JAK1: variants seen among roughly 807,000 people sequenced by gnomAD.
JAK1 encodes the protein Janus kinase 1.
A neutral mutation model predicts 136.6 loss-of-function variants in JAK1; 16 were observed. The ratio of observed to expected loss-of-function variants is 0.12; its 90% CI spans 0.08 to 0.18. JAK1 has a LOEUF of 0.18. JAK1 is among the 10% of genes least tolerant of loss of function. The pLI is 1.00. For synonymous variants in JAK1, 492 were observed against 519.5 expected, an observed-to-expected ratio of 0.95 and a Z score of 0.72; for missense variants, 859 against 1,450.1, an observed-to-expected ratio of 0.59 and a Z score of 6.62.
intron 1 of JAK1, among the ~76,000 whole-genome samples, chr1:64,911,846 C>A (rs1344155180): frequency 6.6e-6 from 1 of 152,162 alleles, no homozygotes; most frequent in Non-Finnish European, 1.5e-5. Context: ...TCACAATTTT[C>A]TGTTATTTCA....
chr1:64,906,112 C>T (rs1463594042), intron 1 of JAK1, among the ~76,000 whole-genome samples: 1 of 152,038 alleles, frequency 6.6e-6, no homozygotes, highest in Non-Finnish European at 1.5e-5. Flanking sequence ...CTGACCAACA[C>T]AGTGAAACCC....
chr1:65,047,298 T>C (rs2100849534), intron 1 of JAK1, among the ~76,000 whole-genome samples: 1 of 152,354 alleles, frequency 6.6e-6, no homozygotes, highest in South Asian at 2.1e-4. Flanking sequence ...TTGAAACACA[T>C]TATTTAATCC....
intron 8 of JAK1, among the ~76,000 whole-genome samples, chr1:64,863,971 T>C (rs192736061): frequency 4.1e-4 from 62 of 152,386 alleles, no homozygotes; most frequent in African/African-American, 1.4e-3. Flanking sequence ...TTCAAGGCTT[T>C]TAACAGGTTA....
chr1:65,028,793 C>T (rs1023617672), intron 2 of JAK1, among the ~76,000 whole-genome samples: 5 of 152,170 alleles, frequency 3.3e-5, no homozygotes, highest in African/African-American at 1.2e-4. Context: ...GGGTTATCAT[C>T]CCTATTTTGT....
chr1:64,860,386 C>CT, intron 8 of JAK1, 124 bp from the exon 9 acceptor site: 1 of 517,542 alleles, frequency 1.9e-6, no homozygotes, highest in Non-Finnish European at 3.3e-6. Context: ...AAGGGAAAAC[C>CT]TTTTCATCAA....
intron 17 of JAK1, 125 bp from the exon 18 acceptor site, chr1:64,841,726 G>GT: frequency 3.2e-6 from 3 of 949,726 alleles, no homozygotes; most frequent in Non-Finnish European, 4.8e-6. Context: ...GGTAGATTTC[G>GT]TAAGTGTTTG....
At chr1:64,971,012 C>T (rs1646447435), upstream of JAK1, among the ~76,000 whole-genome samples, 1 of 152,168 alleles carries the variant, frequency 6.6e-6, no homozygotes, top group East Asian at 1.9e-4. Context: ...TCTTCCTCTG[C>T]AAAAGCTATT....
intron 2 of JAK1, among the ~76,000 whole-genome samples, chr1:65,007,682 C>G (rs538370646): frequency 6.6e-6 from 1 of 151,898 alleles, no homozygotes; most frequent in Non-Finnish European, 1.5e-5. Flanking sequence ...AGGCTAGTCT[C>G]GAACTCCTGA....
chr1:64,887,028 G>A (rs1462941758), intron 1 of JAK1, among the ~76,000 whole-genome samples: 6 of 152,170 alleles, frequency 3.9e-5, no homozygotes, highest in African/African-American at 7.2e-5. Context: ...AAGGGGGAGA[G>A]GGAGATGGGT....
chr1:65,051,669 C>G (rs1434477871), intron 1 of JAK1, among the ~76,000 whole-genome samples: 1 of 152,152 alleles, frequency 6.6e-6, no homozygotes, highest in Non-Finnish European at 1.5e-5. Context: ...AATTTTTCTG[C>G]AATTTCATTT....
chr1:64,934,672 A>G (rs1422088418), intron 1 of JAK1, among the ~76,000 whole-genome samples: 1 of 152,230 alleles, frequency 6.6e-6, no homozygotes, highest in African/African-American at 2.4e-5. Context: ...ATCCTCTCAA[A>G]GTCCAGGTCA....
intron 10 of JAK1, 140 bp downstream of exon 10, chr1:64,857,516 C>T (rs1345079795): frequency 5.9e-6 from 7 of 1,181,820 alleles, no homozygotes; most frequent in East Asian, 2.4e-5. Flanking sequence ...CTTGCCTGAC[C>T]TCCCAGGGAT....
At chr1:65,033,211 G>A (rs1647038510) in intron 2 of JAK1, among the ~76,000 whole-genome samples, 1 of 152,284 alleles carries the variant, frequency 6.6e-6, no homozygotes, top group South Asian at 2.1e-4. Flanking sequence ...CTCTTGTGCT[G>A]TCACTCTTGC....
rs190742162 is a variant in JAK1, at chr1:64,943,102, T to C, written c.-78+23231A>G. Among the ~76,000 whole-genome samples the C allele has an allele frequency of 5.9e-4, 90 of 152,352 alleles. 1 individual carries two copies. The highest frequency in any genetic ancestry group is 1.9e-3 in the African/African-American group (81 of 41,592). ...AGAGAAGTTATTTCTTTAGTTTTCC[T>C]AATTCTTCCAAAAGACAATAACTAA... On this transcript the variant is annotated intron_variant, in intron 1 of 24. Coordinates refer to ENST00000342505, the MANE Select transcript of JAK1 (RefSeq NM_002227.4).
At chr1:64,981,783 C>G (rs1041400199) in intron 2 of JAK1, among the ~76,000 whole-genome samples, 5 of 152,188 alleles carry the variant, frequency 3.3e-5, no homozygotes, top group Non-Finnish European at 7.3e-5. Context: ...CACTATTACA[C>G]AGCAGGAACT....
chr1:64,916,084 G>A (rs986468806), intron 1 of JAK1, among the ~76,000 whole-genome samples: 4 of 152,182 alleles, frequency 2.6e-5, no homozygotes, highest in African/African-American at 7.2e-5. Context: ...TCACAAGCCC[G>A]AGGCACATGC....
intron 1 of JAK1, among the ~76,000 whole-genome samples, chr1:64,906,611 C>T (rs1645194328): frequency 6.6e-6 from 1 of 152,220 alleles, no homozygotes; most frequent in African/African-American, 2.4e-5. Flanking sequence ...TACACTGCTA[C>T]TACGCCATTC....
chr1:64,928,786 A>ACAAAAAAAC (rs1553169990), intron 1 of JAK1, among the ~76,000 whole-genome samples: 2 of 117,912 alleles, frequency 1.7e-5, no homozygotes, highest in Non-Finnish European at 3.2e-5. Flanking sequence ...TGCAAAAAAA[A>ACAAAAAAAC]AAAAAAAAAA....
At chr1:64,998,426 A>G (rs475359) in intron 2 of JAK1, among the ~76,000 whole-genome samples, 35,325 of 152,172 alleles carry the variant, frequency 0.23, 5,868 homozygotes, top group African/African-American at 0.45. Context: ...AGTTTACAAA[A>G]GGCTTTCACA....
Sources: allele counts gnomAD v4.1 joint callset (sites outside exome capture counted in the v4.1 genomes callset), GRCh38; gene constraint gnomAD v4.1.1; transcripts MANE v1.5; gene names NCBI Gene and HGNC (gene_info 2026-07-23, HGNC 2026-07-21).